Variants in CD33 observed in about 807,000 individuals in gnomAD.
CD33 encodes CD33 molecule.
Under a neutral mutation model 31.4 loss-of-function variants are expected in CD33, and 25 were observed. The ratio of observed to expected loss-of-function variants is 0.80; its 90% CI spans 0.58 to 1.11. The LOEUF is 1.11. Among genes scored for constraint, CD33 ranks in the 50% most tolerant of loss-of-function variants. The pLI is 0.00. For synonymous variants in CD33, 176 were observed against 180.6 expected, an observed-to-expected ratio of 0.97 and a Z score of 0.20; for missense variants, 407 against 448.1, an observed-to-expected ratio of 0.91 and a Z score of 0.83.
chr19:51,215,068 A>G, the CD33 span, among the ~76,000 whole-genome samples: 2 of 152,142 alleles, frequency 1.3e-5, no homozygotes, highest in Non-Finnish European at 2.9e-5. Context: ...TCTTGTGGCC[A>G]TTGGGGAGGC....
At chr19:51,235,868 T>C (rs954133669) in intron 6 of CD33, 192 bp downstream of exon 6, 7 of 713,048 alleles carry the variant, frequency 9.8e-6, no homozygotes, top group East Asian at 5.4e-5. Flanking sequence ...ATTGAAAAGA[T>C]AGTTTCTTGG....
At position 51,239,713 on chromosome 19, in the gene CD33, A is replaced by T. The variant is rs754271084; in HGVS notation, c.*25A>T. 2.5e-6 allele frequency: 4 copies of T among 1,588,016 alleles called. No individual in the cohort carries two copies. On this transcript the variant is annotated 3_prime_UTR_variant, in exon 7 of 7. Transcript: ENST00000262262. ...AGGAACCCACAAGAGCATCAGGCTC[A>T]GCTAGAAGATCCACATCCTCTACAG...
intron 4 of CD33, among the ~76,000 whole-genome samples, chr19:51,227,992 G>T (rs1028333802): frequency 1.3e-5 from 2 of 152,096 alleles, no homozygotes; most frequent in Non-Finnish European, 1.5e-5. Flanking sequence ...CTCAATGAGT[G>T]TTCTTCATGC....
At chr19:51,223,328 C>T (rs1980778918), upstream of CD33, among the ~76,000 whole-genome samples, 1 of 152,130 alleles carries the variant, frequency 6.6e-6, no homozygotes, top group Non-Finnish European at 1.5e-5. Flanking sequence ...TGTTGTATAT[C>T]AAATGAGGAT....
At chr19:51,235,730 A>G (rs777271933) in intron 6 of CD33, 54 bp downstream of exon 6, 7 of 1,418,204 alleles carry the variant, frequency 4.9e-6, no homozygotes, top group South Asian at 1.2e-5. Flanking sequence ...CCTCCTCCCA[A>G]TGTGGCCCAC....
intron 4 of CD33, among the ~76,000 whole-genome samples, chr19:51,231,266 C>G (rs1272597484): frequency 6.6e-6 from 1 of 152,230 alleles, no homozygotes; most frequent in African/African-American, 2.4e-5. Context: ...ATAGTGTGGG[C>G]TCCCAGAGCT....
At chr19:51,235,716 G>C (rs755755670) in intron 6 of CD33, 40 bp downstream of exon 6, 15 of 1,533,032 alleles carry the variant, frequency 9.8e-6, no homozygotes, top group Admixed American at 1.8e-5. Context: ...CTGTCCTGCA[G>C]ACACCTCCTC....
chr19:51,236,089 C>G (rs950553992), intron 6 of CD33: 2 of 483,062 alleles, frequency 4.1e-6, no homozygotes, highest in African/African-American at 3.9e-5. Context: ...ACCCGGGAGG[C>G]AGAGCTTGTA....
At chr19:51,223,231 C>G (rs568438889), upstream of CD33, among the ~76,000 whole-genome samples, 5 of 152,068 alleles carry the variant, frequency 3.3e-5, no homozygotes, top group African/African-American at 1.2e-4. Flanking sequence ...AAAAAAAAAG[C>G]ACTAAATGTA....
intron 4 of CD33, among the ~76,000 whole-genome samples, chr19:51,229,071 C>G (rs775646203): frequency 7.2e-5 from 11 of 151,996 alleles, no homozygotes; most frequent in Non-Finnish European, 1.3e-4. Context: ...TCCTTCTATA[C>G]CTAATTTATT....
At chr19:51,218,086 G>A in the CD33 span, among the ~76,000 whole-genome samples, 1 of 152,086 alleles carries the variant, frequency 6.6e-6, no homozygotes, top group Non-Finnish European at 1.5e-5. Flanking sequence ...TCTATTTTTG[G>A]TTATTTGAGA....
rs146995981 is a variant in CD33, at chr19:51,235,972, C to T, written c.924+296C>T. 51,042 of 663,594 alleles carry T rather than the reference C, an allele frequency of 0.077. 2,242 individuals are homozygous for T. The highest frequency in any genetic ancestry group is 0.092 in the Non-Finnish European group (33,546 of 364,314). 41.1% of individuals were successfully genotyped at this position (663,594 alleles called of 1,614,324 possible). A position where few individuals can be genotyped will look rare whatever the true frequency, so the allele number is the denominator to read the frequency against. On this transcript the variant is annotated intron_variant, in intron 6 of 6. Transcript: ENST00000262262. ...AGGAGATTGAGACTATCCTGGCTAA[C>T]ATGGTGAAACCCCGTCTCTACTAAA...
At chr19:51,216,268 T>TGTGTGTG in the CD33 span, among the ~76,000 whole-genome samples, 1 of 110,874 alleles carries the variant, frequency 9.0e-6, no homozygotes, top group Admixed American at 8.2e-5. Flanking sequence ...GTGTGTGTGT[T>TGTGTGTG]TCTTGTATGA....
chr19:51,236,043 A>C, intron 6 of CD33: 1 of 550,580 alleles, frequency 1.8e-6, no homozygotes, highest in Non-Finnish European at 3.3e-6. Flanking sequence ...CTGTAGTCCC[A>C]GCTACTTGGG....
the CD33 span, among the ~76,000 whole-genome samples, chr19:51,214,959 T>G: frequency 2.0e-5 from 3 of 152,226 alleles, no homozygotes; most frequent in Non-Finnish European, 2.9e-5. Context: ...AGAACCTTCC[T>G]TTTCTTATGT....
Position 51,235,150 on chromosome 19 carries a change from T to A in CD33, c.746-7T>A. On this transcript the variant is annotated splice_region_variant and splice_polypyrimidine_tract_variant and intron_variant, in intron 4 of 6. Transcript: ENST00000262262. ...TAGAATTCACCCCAAATCTTTTTTGTCTGCAGGGAAACAAGAGACCAGAGC... is the reference window on the plus strand; with the variant it reads ...TAGAATTCACCCCAAATCTTTTTTGACTGCAGGGAAACAAGAGACCAGAGC... 2 of 1,612,200 alleles carry A rather than the reference T, an allele frequency of 1.2e-6. No individual in the cohort carries two copies. Among genetic ancestry groups the A allele is most frequent in the African/African-American group, 2.7e-5 (2 of 74,928 alleles).
intron 6 of CD33, chr19:51,236,137 G>A (rs550174553): frequency 1.4e-4 from 56 of 400,080 alleles, no homozygotes; most frequent in African/African-American, 1.0e-3. Flanking sequence ...CAGCCTGGGT[G>A]ACAGAGAGAG....
chr19:51,226,209 C>G, intron 3 of CD33, 100 bp from the exon 4 acceptor site: 2 of 1,504,124 alleles, frequency 1.3e-6, no homozygotes, highest in South Asian at 1.1e-5. Context: ...GAGCCCTGTC[C>G]CTTCTGCATT....
chr19:51,236,665 G>C (rs1290717539), intron 6 of CD33: 1 of 152,184 alleles, frequency 6.6e-6, no homozygotes, highest in Non-Finnish European at 1.5e-5. Flanking sequence ...CTCCTGATGG[G>C]TTCTCCATCT....
Sources: gnomAD v4.1 joint callset for allele counts (sites outside exome capture counted in the v4.1 genomes callset) on GRCh38, gnomAD v4.1.1 for gene constraint, MANE v1.5 for transcripts, NCBI Gene and HGNC (gene_info 2026-07-23, HGNC 2026-07-21) for gene names.